The following SSPN variants were observed in gnomAD, a reference collection of about 807,000 sequenced individuals.
SSPN encodes K-ras oncogene-associated protein.
SSPN carries 15 observed loss-of-function variants against 19.1 expected under a neutral mutation model. The ratio of observed to expected loss-of-function variants is 0.78; its 90% CI spans 0.52 to 1.21. The LOEUF (loss-of-function observed/expected upper bound fraction) is 1.21, where lower values mean the gene tolerates loss of function less well. Among genes scored for constraint, SSPN ranks in the 50% most tolerant of loss-of-function variants. The probability of loss-of-function intolerance (pLI) is 0.00; values close to 1 mark genes in which losing one functional copy is unlikely to be tolerated. For synonymous variants in SSPN, 147 were observed against 140.3 expected, an observed-to-expected ratio of 1.05 and a Z score of -0.34; for missense variants, 291 against 314.0, an observed-to-expected ratio of 0.93 and a Z score of 0.55.
At chr12:26,161,023 G>T (rs536709777) in intron 1 of SSPN, among the ~76,000 whole-genome samples, 24 of 148,424 alleles carry the variant, frequency 1.6e-4, no homozygotes, top group African/African-American at 6.0e-4. Context: ...CAGGAGAATC[G>T]TTTGAACCCA....
At chr12:26,181,893 G>A (rs1944720480) in intron 1 of SSPN, among the ~76,000 whole-genome samples, 1 of 152,146 alleles carries the variant, frequency 6.6e-6, no homozygotes, top group Non-Finnish European at 1.5e-5. Context: ...TAGTTGCTTT[G>A]GAAGACCTTC....
At chr12:26,206,701 T>C (rs1475516306) in intron 1 of SSPN, among the ~76,000 whole-genome samples, 1 of 152,200 alleles carries the variant, frequency 6.6e-6, no homozygotes, top group Non-Finnish European at 1.5e-5. Flanking sequence ...AAATAAACTA[T>C]AGGTTGTTTA....
chr12:26,138,782 G>A (rs1944443165), intron 1 of SSPN, among the ~76,000 whole-genome samples: 2 of 151,466 alleles, frequency 1.3e-5, no homozygotes, highest in South Asian at 2.1e-4. Flanking sequence ...CAGAATCCGT[G>A]TGGGAAGAAA....
chr12:26,127,713 T>A (rs1944374737), intron 1 of SSPN, among the ~76,000 whole-genome samples: 2 of 152,222 alleles, frequency 1.3e-5, no homozygotes, highest in African/African-American at 4.8e-5. Context: ...TCTCTGTAGT[T>A]CTGTCAATCT....
intron 2 of SSPN, among the ~76,000 whole-genome samples, chr12:26,224,808 A>G (rs1165998638): frequency 6.6e-6 from 1 of 152,182 alleles, no homozygotes; most frequent in Middle Eastern, 3.2e-3. Context: ...GGGCGCATCC[A>G]AATGCTCTGT....
chr12:26,196,541 G>GCCA (rs1944831824), intron 1 of SSPN, among the ~76,000 whole-genome samples: 1 of 152,190 alleles, frequency 6.6e-6, no homozygotes, highest in Non-Finnish European at 1.5e-5. Context: ...CAGGGCGCTG[G>GCCA]CCATGGCAGA....
chr12:26,143,972 C>G (rs1362403568), intron 1 of SSPN, among the ~76,000 whole-genome samples: 1 of 152,228 alleles, frequency 6.6e-6, no homozygotes, highest in Non-Finnish European at 1.5e-5. Context: ...ATCACCCCCA[C>G]ATGGGACCAT....
At chr12:26,131,802 C>T (rs1944398734) in intron 1 of SSPN, among the ~76,000 whole-genome samples, 1 of 152,178 alleles carries the variant, frequency 6.6e-6, no homozygotes, top group African/African-American at 2.4e-5. Flanking sequence ...GAACTAGGCA[C>T]CATCAACTCT....
intron 2 of SSPN, among the ~76,000 whole-genome samples, chr12:26,227,745 G>A (rs190824856): frequency 3.8e-4 from 58 of 152,318 alleles, no homozygotes; most frequent in African/African-American, 1.2e-3. Context: ...TGTGAAGTAG[G>A]TGCTATTATG....
rs570005928 is a variant in SSPN, at chr12:26,148,061, C to T, written c.-31+25909C>T. On this transcript the variant is annotated intron_variant, in intron 1 of 2. Coordinates refer to the SSPN transcript ENST00000538142. ...ACAATTGGTAAGCTTATTCTATAGT[C>T]TGGAATTCTGTTTTATAAATTTCTG... 2.0e-5 allele frequency among the ~76,000 whole-genome samples: 3 copies of T among 152,154 alleles called. No individual in the cohort carries two copies. In the South Asian group the frequency reaches 6.2e-4, roughly 32 times the overall value.
chr12:26,170,886 G>A (rs1056984010), intron 1 of SSPN, among the ~76,000 whole-genome samples: 4 of 152,154 alleles, frequency 2.6e-5, no homozygotes, highest in Admixed American at 2.0e-4. Context: ...CATTTGTCAA[G>A]CATGGTATGT....
intron 1 of SSPN, among the ~76,000 whole-genome samples, chr12:26,127,892 G>A (rs972156297): frequency 3.9e-5 from 6 of 152,198 alleles, no homozygotes; most frequent in African/African-American, 1.4e-4. Flanking sequence ...CGCAAGAAGG[G>A]TGTAACAATA....
chr12:26,148,849 A>T (rs547636735), intron 1 of SSPN, among the ~76,000 whole-genome samples: 2 of 152,308 alleles, frequency 1.3e-5, no homozygotes, highest in Admixed American at 6.5e-5. Flanking sequence ...TGACTGGCTA[A>T]TCTAGCCCAA....
At chr12:26,172,522 T>G (rs1944659616) in intron 1 of SSPN, among the ~76,000 whole-genome samples, 1 of 152,208 alleles carries the variant, frequency 6.6e-6, no homozygotes, top group African/African-American at 2.4e-5. Flanking sequence ...TATTATATTA[T>G]CTCCTATTAG....
intron 1 of SSPN, among the ~76,000 whole-genome samples, chr12:26,172,674 C>T (rs1409560191): frequency 2.6e-5 from 4 of 152,140 alleles, no homozygotes; most frequent in African/African-American, 9.7e-5. Context: ...CACTTGGAGA[C>T]GGTTTCCCAC....
At chr12:26,161,939 C>T (rs887000597) in intron 1 of SSPN, among the ~76,000 whole-genome samples, 2 of 152,218 alleles carry the variant, frequency 1.3e-5, no homozygotes, top group African/African-American at 4.8e-5. Context: ...CCATGCTGTG[C>T]GGCCCAGTTC....
chr12:26,169,904 C>G (rs1021691217), intron 1 of SSPN, among the ~76,000 whole-genome samples: 3 of 152,132 alleles, frequency 2.0e-5, no homozygotes, highest in African/African-American at 7.2e-5. Context: ...GCTGTGGACC[C>G]TAGAAAATGC....
chr12:26,231,922 C>T lies in SSPN; in HGVS notation c.*846C>T, dbSNP rs12315501. On this transcript the variant is annotated 3_prime_UTR_variant, in exon 3 of 3. Coordinates refer to ENST00000242729, the MANE Select transcript of SSPN (RefSeq NM_005086.5). ...ATTTAATGAGCTCTGACTGTACTTACGCTGCACTGTCGGTGTTAAGAGAAA... is the reference window on the plus strand; with the variant it reads ...ATTTAATGAGCTCTGACTGTACTTATGCTGCACTGTCGGTGTTAAGAGAAA... 7.3e-3 allele frequency: 7,144 copies of T among 984,706 alleles called. 374 individuals carry two copies. In the African/African-American group the frequency reaches 0.11, roughly 16 times the overall value. The allele number at this position is 984,706 out of a possible 1,614,324, so 61.0% of individuals were successfully genotyped here.
intron 1 of SSPN, among the ~76,000 whole-genome samples, chr12:26,139,835 G>A (rs1250478420): frequency 6.6e-6 from 1 of 152,132 alleles, no homozygotes; most frequent in African/African-American, 2.4e-5. Flanking sequence ...TCGTCATAGT[G>A]TGGAGTCCCA....
Sources: gnomAD v4.1 joint callset for allele counts (sites outside exome capture counted in the v4.1 genomes callset) on GRCh38, gnomAD v4.1.1 for gene constraint, MANE v1.5 for transcripts, NCBI Gene and HGNC (gene_info 2026-07-23, HGNC 2026-07-21) for gene names.